Variants in PCDH11Y observed in about 807,000 individuals in gnomAD.
PCDH11Y encodes protocadherin 11 Y-linked, also known as protocadherin-11 Y-linked.
For missense variants in PCDH11Y, 12 were observed against 224.8 expected (o/e 0.05, Z 6.05); for synonymous variants, 9 against 83.6 (o/e 0.11, Z 4.87).
At chrY:5,338,445 T>G in intron 2 of PCDH11Y, 1 of 389,029 alleles carries the variant, frequency 2.6e-6, no homozygotes. Flanking sequence ...TTGATGTATT[T>G]GGGAGACAGG....
chrY:5,687,821 T>A, intron 4 of PCDH11Y, among the ~76,000 whole-genome samples: 2 of 32,422 alleles, frequency 6.2e-5, no homozygotes, highest in African/African-American at 2.4e-4. Context: ...ACTAAAACTG[T>A]TCGAAGGCTA....
chrY:5,581,402 C>T, intron 3 of PCDH11Y, among the ~76,000 whole-genome samples: 2 of 32,837 alleles, frequency 6.1e-5, no homozygotes, highest in Non-Finnish European at 1.5e-4. Context: ...TAGGAGGTTG[C>T]GTGAAAGAAA....
At chrY:5,234,059 G>A (rs1602890254) in intron 2 of PCDH11Y, among the ~76,000 whole-genome samples, 1 of 31,458 alleles carries the variant, frequency 3.2e-5, no homozygotes, top group Non-Finnish European at 7.6e-5. Flanking sequence ...AAATTACAAT[G>A]CAATGAAAAT....
At chrY:5,407,010 C>G (rs80193608) in intron 2 of PCDH11Y, among the ~76,000 whole-genome samples, 3,197 of 33,351 alleles carry the variant, frequency 0.096, no homozygotes, top group Non-Finnish European at 0.18. Flanking sequence ...CACACAGTTA[C>G]TATTGGGAAC....
chrY:5,226,417 C>G (rs2052960868), intron 2 of PCDH11Y, among the ~76,000 whole-genome samples: 1 of 28,264 alleles, frequency 3.5e-5, no homozygotes, highest in Non-Finnish European at 8.3e-5. Context: ...TTTATTGTAT[C>G]TTTTGTTGTG....
At chrY:5,647,397 G>C in intron 4 of PCDH11Y, among the ~76,000 whole-genome samples, 1 of 33,918 alleles carries the variant, frequency 2.9e-5, no homozygotes, top group Non-Finnish European at 7.3e-5. Flanking sequence ...CAAAATTAAA[G>C]AGAAGATTTA....
intron 2 of PCDH11Y, among the ~76,000 whole-genome samples, chrY:5,458,685 A>G: frequency 6.0e-5 from 2 of 33,123 alleles, no homozygotes; most frequent in Non-Finnish European, 1.5e-4. Context: ...TATCCCTTAC[A>G]TTTTCCATAG....
At chrY:5,496,638 ATGT>A (rs2053345070) in intron 2 of PCDH11Y, among the ~76,000 whole-genome samples, 2 of 32,046 alleles carry the variant, frequency 6.2e-5, no homozygotes, top group Non-Finnish European at 1.5e-4. Flanking sequence ...CTGTAGATAA[ATGT>A]TGTGGTTTTT....
intron 2 of PCDH11Y, among the ~76,000 whole-genome samples, chrY:5,111,625 GAA>G (rs2052802710): frequency 3.0e-5 from 1 of 33,471 alleles, no homozygotes; most frequent in East Asian, 7.8e-4. Flanking sequence ...ATTTTCGATA[GAA>G]AAAAGAGTTT....
intron 2 of PCDH11Y, among the ~76,000 whole-genome samples, chrY:5,124,207 G>C (rs1602871858): frequency 3.6e-4 from 12 of 33,488 alleles, no homozygotes; most frequent in African/African-American, 1.4e-3. Flanking sequence ...TGACAATTTT[G>C]TGGAGGCAAT....
intron 1 of PCDH11Y, among the ~76,000 whole-genome samples, chrY:5,096,451 G>C (rs2052750281): frequency 3.5e-5 from 1 of 28,898 alleles, no homozygotes; most frequent in African/African-American, 1.4e-4. Context: ...GTGTGTGTGT[G>C]TGTGTGTGTG....
At chrY:5,534,688 C>T in intron 3 of PCDH11Y, among the ~76,000 whole-genome samples, 3 of 33,248 alleles carry the variant, frequency 9.0e-5, no homozygotes, top group African/African-American at 2.4e-4. Context: ...TATGGCAGAA[C>T]GATTTACATT....
chrY:5,115,873 T>C (rs2052809624), intron 2 of PCDH11Y, among the ~76,000 whole-genome samples: 2 of 29,233 alleles, frequency 6.8e-5, no homozygotes, highest in African/African-American at 1.4e-4. Context: ...CCTGAGTAGC[T>C]GGGACTACAG....
intron 4 of PCDH11Y, among the ~76,000 whole-genome samples, chrY:5,612,460 A>T: frequency 3.1e-5 from 1 of 31,941 alleles, no homozygotes; most frequent in Non-Finnish European, 7.6e-5. Context: ...TTTTTTTTTT[A>T]AATTGTAAAG....
chrY:5,127,505 A>C, intron 2 of PCDH11Y, among the ~76,000 whole-genome samples: 1 of 33,523 alleles, frequency 3.0e-5, no homozygotes, highest in African/African-American at 1.2e-4. Context: ...ACAGATAAAT[A>C]AGAAAAATAT....
chrY:5,456,430 G>GA (rs2053298342), intron 2 of PCDH11Y, among the ~76,000 whole-genome samples: 2 of 32,779 alleles, frequency 6.1e-5, no homozygotes, highest in African/African-American at 2.4e-4. Flanking sequence ...AACAACAAAT[G>GA]AAAAAAAGAA....
At chrY:5,273,010 A>G in intron 2 of PCDH11Y, among the ~76,000 whole-genome samples, 1 of 33,538 alleles carries the variant, frequency 3.0e-5, no homozygotes, top group Non-Finnish European at 7.4e-5. Flanking sequence ...TCTAGTTTCA[A>G]TGAGTAAATG....
At chrY:5,553,756 C>T (rs2053421130) in intron 3 of PCDH11Y, among the ~76,000 whole-genome samples, 1 of 32,671 alleles carries the variant, frequency 3.1e-5, no homozygotes, top group Admixed American at 2.8e-4. Flanking sequence ...GTGACTTGCC[C>T]CTCCTTGCCT....
chrY:5,741,051 G>A, exon 5 of PCDH11Y: 1 of 21,977 alleles, frequency 4.6e-5, no homozygotes, highest in Non-Finnish European at 1.0e-4. Context: ...TTGTGTCAGT[G>A]TATTAAAAAT....
Sources: allele counts gnomAD v4.1 joint callset (sites outside exome capture counted in the v4.1 genomes callset), GRCh38; gene constraint gnomAD v4.1.1; transcripts MANE v1.5; gene names NCBI Gene and HGNC (gene_info 2026-07-23, HGNC 2026-07-21).